The following GNAO1 variants were observed in gnomAD, a reference collection of about 807,000 sequenced individuals.
The protein encoded by GNAO1 is guanine nucleotide-binding protein G(o) subunit alpha.
For synonymous variants in GNAO1, 164 were observed against 180.7 expected, an observed-to-expected ratio of 0.91 and a Z score of 0.74; for missense variants, 166 against 478.7, an observed-to-expected ratio of 0.35 and a Z score of 6.10.
intron 2 of GNAO1, among the ~76,000 whole-genome samples, chr16:56,229,609 G>GTGGATGGATGGA (rs149366140): frequency 1.1e-4 from 17 of 151,166 alleles, no homozygotes; most frequent in African/African-American, 4.1e-4. Flanking sequence ...GGATGGGTGG[G>GTGGATGGATGGA]TGGATGGATG....
intron 2 of GNAO1, among the ~76,000 whole-genome samples, chr16:56,212,354 T>C (rs1044509312): frequency 1.1e-4 from 17 of 152,228 alleles, no homozygotes; most frequent in Admixed American, 6.5e-5. Context: ...TTGTACAGAT[T>C]CTCACCTTCT....
intron 2 of GNAO1, among the ~76,000 whole-genome samples, chr16:56,221,653 A>C (rs1182117475): frequency 4.4e-4 from 15 of 34,460 alleles, no homozygotes; most frequent in African/African-American, 1.8e-3. Flanking sequence ...CTGCATCTCA[A>C]AAAAAAAAAA....
At chr16:56,346,250 G>C (rs1306986401) in intron 6 of GNAO1, 1 of 985,294 alleles carries the variant, frequency 1.0e-6, no homozygotes, top group African/African-American at 1.7e-5. Context: ...CTTGTGGGGT[G>C]GTGACTGAGG....
intron 3 of GNAO1, among the ~76,000 whole-genome samples, chr16:56,316,991 C>T (rs1386098315): frequency 6.6e-6 from 1 of 152,186 alleles, no homozygotes; most frequent in Non-Finnish European, 1.5e-5. Flanking sequence ...CAGTCGCCTT[C>T]CCACCCCCTG....
rs141446468 is a variant in GNAO1, at chr16:56,305,923, A to G, written c.304-22708A>G. Among the ~76,000 whole-genome samples, 272 of 152,336 alleles carry G rather than the reference A, an allele frequency of 1.8e-3. 3 individuals are homozygous for G. The highest frequency in any genetic ancestry group is 3.4e-3 in the Middle Eastern group (1 of 294). On this transcript the variant is annotated intron_variant, in intron 3 of 8. Transcript: ENST00000262493. ...GGATTAGAACCCATCTAATCATTTT[A>G]ACAGAATTGCCTTTTTAAAGACCCT...
At chr16:56,209,253 C>T (rs2143326338) in intron 2 of GNAO1, among the ~76,000 whole-genome samples, 1 of 152,280 alleles carries the variant, frequency 6.6e-6, no homozygotes, top group East Asian at 1.9e-4. Flanking sequence ...CCACCACTGT[C>T]ATAGGTTAAA....
intron 2 of GNAO1, among the ~76,000 whole-genome samples, chr16:56,227,854 G>A (rs1378886594): frequency 1.3e-5 from 2 of 151,916 alleles, no homozygotes; most frequent in Admixed American, 6.6e-5. Context: ...CTGCCTTTTG[G>A]CCTTCTTGCT....
chr16:56,330,006 T>C (rs1209366644), intron 4 of GNAO1, among the ~76,000 whole-genome samples: 2 of 152,224 alleles, frequency 1.3e-5, no homozygotes, highest in African/African-American at 4.8e-5. Flanking sequence ...GGACAGAGGC[T>C]GAGGCCAATG....
intron 2 of GNAO1, chr16:56,194,421 G>C (rs1332301312): frequency 5.4e-6 from 2 of 367,794 alleles, no homozygotes; most frequent in African/African-American, 4.2e-5. Flanking sequence ...AGCAGTGGCG[G>C]ACTCGGAGCC....
At chr16:56,239,587 G>C (rs2036674547) in intron 2 of GNAO1, among the ~76,000 whole-genome samples, 1 of 152,188 alleles carries the variant, frequency 6.6e-6, no homozygotes, top group Admixed American at 6.5e-5. Flanking sequence ...ATCTGTAGGT[G>C]CTGAGGCATC....
intron 2 of GNAO1, among the ~76,000 whole-genome samples, chr16:56,248,273 C>A (rs2036767496): frequency 6.6e-6 from 1 of 152,164 alleles, no homozygotes; most frequent in Non-Finnish European, 1.5e-5. Context: ...AGTCTTTGTC[C>A]ATGTGTATGA....
chr16:56,225,060 C>T (rs1056370184), intron 2 of GNAO1, among the ~76,000 whole-genome samples: 2 of 152,198 alleles, frequency 1.3e-5, no homozygotes, highest in African/African-American at 4.8e-5. Context: ...TGGGAGCCAG[C>T]TAAGGTAGGA....
intron 3 of GNAO1, among the ~76,000 whole-genome samples, chr16:56,320,385 C>T (rs761307616): frequency 6.6e-6 from 1 of 152,216 alleles, no homozygotes; most frequent in Admixed American, 6.5e-5. Context: ...CGTTTGCTCA[C>T]ACAACAGCCT....
At chr16:56,346,286 G>A (rs1368269722) in intron 6 of GNAO1, 39 of 985,304 alleles carry the variant, frequency 4.0e-5, no homozygotes, top group Non-Finnish European at 4.6e-5. Context: ...TGGCTCCGTC[G>A]TGGATGTGGA....
chr16:56,263,560 G>A (rs2036924762), intron 2 of GNAO1, among the ~76,000 whole-genome samples: 1 of 152,232 alleles, frequency 6.6e-6, no homozygotes, highest in African/African-American at 2.4e-5. Flanking sequence ...CTGAGGAGGT[G>A]ACATCCGAGC....
chr16:56,256,710 C>CTGTGTG (rs1255530533), intron 2 of GNAO1, among the ~76,000 whole-genome samples: 3 of 120,528 alleles, frequency 2.5e-5, no homozygotes, highest in Admixed American at 8.7e-5. Flanking sequence ...CTCTCTCTCT[C>CTGTGTG]TCTCTCTCTG....
intron 2 of GNAO1, among the ~76,000 whole-genome samples, chr16:56,207,571 T>A (rs1186085276): frequency 6.6e-6 from 1 of 152,252 alleles, no homozygotes; most frequent in Non-Finnish European, 1.5e-5. Flanking sequence ...CAGGGCTAAC[T>A]ACTTTTTACC....
At chr16:56,317,497 A>T (rs1315492674) in intron 3 of GNAO1, among the ~76,000 whole-genome samples, 1 of 152,172 alleles carries the variant, frequency 6.6e-6, no homozygotes, top group Non-Finnish European at 1.5e-5. Context: ...TCAAGGAGAG[A>T]ATGAATGGGT....
intron 6 of GNAO1, chr16:56,345,771 T>C (rs1181097495): frequency 1.1e-5 from 11 of 985,422 alleles, no homozygotes; most frequent in Non-Finnish European, 1.3e-5. Context: ...ACATGGCAGT[T>C]ATTTCTCAGC....
Sources: allele counts gnomAD v4.1 joint callset (sites outside exome capture counted in the v4.1 genomes callset), GRCh38; gene constraint gnomAD v4.1.1; transcripts MANE v1.5; gene names NCBI Gene and HGNC (gene_info 2026-07-23, HGNC 2026-07-21).